DYNC2H1: variants seen among roughly 807,000 people sequenced by gnomAD.
The protein encoded by DYNC2H1 is dynein cytoplasmic 2 heavy chain 1.
A neutral mutation model predicts 570.0 loss-of-function variants in DYNC2H1; 410 were observed. The ratio of observed to expected loss-of-function variants is 0.72; its 90% CI spans 0.66 to 0.78. The LOEUF (loss-of-function observed/expected upper bound fraction) is 0.78, where lower values mean the gene tolerates loss of function less well. Ranked by LOEUF, DYNC2H1 falls within the 30% of genes least tolerant of loss-of-function variation. The pLI, the probability that DYNC2H1 is intolerant of heterozygous loss-of-function variation, is 0.00. For synonymous variants in DYNC2H1, 1,688 were observed against 1,677.6 expected, an observed-to-expected ratio of 1.01 and a Z score of -0.15; for missense variants, 4,865 against 5,046.4, an observed-to-expected ratio of 0.96 and a Z score of 1.09.
At chr11:103,453,683 A>G (rs1944690100) in intron 85 of DYNC2H1, among the ~76,000 whole-genome samples, 1 of 149,716 alleles carries the variant, frequency 6.7e-6, no homozygotes, top group Non-Finnish European at 1.5e-5. Context: ...GGACATTTGA[A>G]TTCAAAATTA....
At chr11:103,183,206 TA>T (rs1861926373) in intron 40 of DYNC2H1, among the ~76,000 whole-genome samples, 4 of 151,972 alleles carry the variant, frequency 2.6e-5, no homozygotes. Flanking sequence ...ACCTGATGCC[TA>T]CATTGTGACA....
At chr11:103,445,548 TGTGGAG>T (rs1388490225) in intron 85 of DYNC2H1, among the ~76,000 whole-genome samples, 1 of 152,190 alleles carries the variant, frequency 6.6e-6, no homozygotes, top group Non-Finnish European at 1.5e-5. Context: ...GGGTGGTGGC[TGTGGAG>T]GTGGAGGCTT....
chr11:103,426,583 A>T (rs1408402167), intron 84 of DYNC2H1, among the ~76,000 whole-genome samples: 2 of 152,236 alleles, frequency 1.3e-5, no homozygotes, highest in Non-Finnish European at 2.9e-5. Context: ...CATTTAATTT[A>T]CTGAACATCT....
intron 12 of DYNC2H1, 127 bp downstream of exon 12, chr11:103,125,422 GT>G: frequency 1.5e-6 from 1 of 651,112 alleles, no homozygotes; most frequent in Non-Finnish European, 2.3e-6. Flanking sequence ...GTGAAATTAT[GT>G]TTTACTAAAT....
At chr11:103,322,873 C>T (rs1031341357) in intron 81 of DYNC2H1, among the ~76,000 whole-genome samples, 2 of 152,178 alleles carry the variant, frequency 1.3e-5, no homozygotes, top group Admixed American at 6.5e-5. Context: ...TGTACATGTA[C>T]ATATACATTT....
intron 1 of DYNC2H1, among the ~76,000 whole-genome samples, chr11:103,112,103 C>T (rs1053716022): frequency 6.6e-6 from 1 of 152,148 alleles, no homozygotes; most frequent in Non-Finnish European, 1.5e-5. Flanking sequence ...GATTAGTTAT[C>T]TTTGAAGCGA....
chr11:103,382,907 G>A (rs1240066545), intron 83 of DYNC2H1, among the ~76,000 whole-genome samples: 1 of 152,164 alleles, frequency 6.6e-6, no homozygotes, highest in African/African-American at 2.4e-5. Flanking sequence ...ACACATGTTG[G>A]AGAGCTCAAA....
intron 83 of DYNC2H1, among the ~76,000 whole-genome samples, chr11:103,377,939 G>C (rs1314550091): frequency 1.2e-5 from 1 of 81,556 alleles, no homozygotes; most frequent in East Asian, 3.9e-4. Flanking sequence ...GTTTCACCAT[G>C]TTGGCCAGCT....
chr11:103,398,974 C>T (rs1315084215), intron 83 of DYNC2H1, among the ~76,000 whole-genome samples: 1 of 152,050 alleles, frequency 6.6e-6, no homozygotes, highest in Non-Finnish European at 1.5e-5. Context: ...TATTTTAAAA[C>T]CATGATCTCT....
At chr11:103,302,853 G>A (rs1867104999) in intron 75 of DYNC2H1, among the ~76,000 whole-genome samples, 1 of 152,010 alleles carries the variant, frequency 6.6e-6, no homozygotes, top group Non-Finnish European at 1.5e-5. Flanking sequence ...CTACCTCATA[G>A]CATTGTAATA....
chr11:103,424,000 A>G (rs1166679618), intron 84 of DYNC2H1, among the ~76,000 whole-genome samples: 1 of 152,142 alleles, frequency 6.6e-6, no homozygotes, highest in East Asian at 1.9e-4. Context: ...AATAAATTTA[A>G]CAAAAGGAGA....
At chr11:103,328,346 T>A in intron 82 of DYNC2H1, among the ~76,000 whole-genome samples, 1 of 152,198 alleles carries the variant, frequency 6.6e-6, no homozygotes, top group East Asian at 1.9e-4. Context: ...TTTCAAATTA[T>A]AAAGATGTAT....
At chr11:103,364,701 A>G (rs999117338) in intron 83 of DYNC2H1, among the ~76,000 whole-genome samples, 1 of 151,950 alleles carries the variant, frequency 6.6e-6, no homozygotes, top group Non-Finnish European at 1.5e-5. Flanking sequence ...TTGGTTTATA[A>G]AATATCTGCA....
chr11:103,223,139 A>G, intron 59 of DYNC2H1, 53 bp downstream of exon 59: 3 of 1,472,184 alleles, frequency 2.0e-6, no homozygotes, highest in Non-Finnish European at 2.7e-6. Flanking sequence ...CATCAGTTTG[A>G]TGAGGTTTTA....
chr11:103,163,597 A>C lies in DYNC2H1; in HGVS notation c.4611+450A>C, dbSNP rs757075828. On this transcript the variant is annotated intron_variant, in intron 30 of 88. Transcript: ENST00000375735. This position sits in a 1 kb window ranked among gnomAD's most constrained non-coding sequence, Gnocchi z 4.6. ...AGTGAGGTCATATGGTGAATTACAG[A>C]GATGGCTGCAGCTCAGGGTTAATAG... Among the ~76,000 whole-genome samples, 1 of 152,204 alleles carries C rather than the reference A, an allele frequency of 6.6e-6. No individual in the cohort carries two copies. The highest frequency in any genetic ancestry group is 1.9e-4 in the East Asian group (1 of 5,194).
At chr11:103,415,402 A>G (rs1943246587) in intron 84 of DYNC2H1, among the ~76,000 whole-genome samples, 1 of 152,154 alleles carries the variant, frequency 6.6e-6, no homozygotes, top group Admixed American at 6.5e-5. Flanking sequence ...AATGGGAGAA[A>G]ATTTTTGCAA....
rs140319980 is a variant in DYNC2H1, at chr11:103,189,261, C to T, written c.7293-411C>T. ...CTGCCAGTTAAACCATATTGAAATACATTTTGGTTTGGGAGAAAGGGGTTG... is the reference window on the plus strand; with the variant it reads ...CTGCCAGTTAAACCATATTGAAATATATTTTGGTTTGGGAGAAAGGGGTTG... On this transcript the variant is annotated intron_variant, in intron 44 of 88. Coordinates refer to ENST00000375735, the MANE Select transcript of DYNC2H1 (RefSeq NM_001377.3). The surrounding 1 kb of genome is among the most constrained non-coding windows in gnomAD (Gnocchi z 4.3). 3.3e-5 allele frequency among the ~76,000 whole-genome samples: 5 copies of T among 151,518 alleles called. No individual in the cohort carries two copies. The highest frequency in any genetic ancestry group is 6.6e-5 in the Admixed American group (1 of 15,196).
At chr11:103,124,000 G>T (rs1475864855) in intron 11 of DYNC2H1, among the ~76,000 whole-genome samples, 1 of 151,658 alleles carries the variant, frequency 6.6e-6, no homozygotes, top group African/African-American at 2.4e-5. Flanking sequence ...GGAAAATTTG[G>T]GCTAAATCAT....
chr11:103,412,051 C>T, intron 84 of DYNC2H1, among the ~76,000 whole-genome samples: 1 of 152,104 alleles, frequency 6.6e-6, no homozygotes, highest in Non-Finnish European at 1.5e-5. Flanking sequence ...TCACTAAGAT[C>T]AGATCAGTAA....
Sources: gnomAD v4.1 joint callset for allele counts (sites outside exome capture counted in the v4.1 genomes callset) on GRCh38, gnomAD v4.1.1 for gene constraint, Gnocchi (gnomAD v3.1) non-coding constraint, MANE v1.5 for transcripts, NCBI Gene and HGNC (gene_info 2026-07-23, HGNC 2026-07-21) for gene names.